The following ARRDC3 variants were observed in gnomAD, a reference collection of about 807,000 sequenced individuals.
ARRDC3 encodes arrestin domain-containing protein 3.
Under a neutral mutation model 47.2 loss-of-function variants are expected in ARRDC3, and 10 were observed. The ratio of observed to expected loss-of-function variants is 0.21; its 90% confidence interval spans 0.13 to 0.36. The LOEUF (loss-of-function observed/expected upper bound fraction) is 0.36, where lower values mean the gene tolerates loss of function less well. Ranked by LOEUF, ARRDC3 falls within the 10% of genes least tolerant of loss-of-function variation. The probability of loss-of-function intolerance (pLI) is 1.00; values close to 1 mark genes in which losing one functional copy is unlikely to be tolerated. For synonymous variants in ARRDC3, 156 were observed against 178.3 expected (o/e 0.87, Z 1.00); for missense variants, 381 against 503.6 (o/e 0.76, Z 2.33).
chr5:91,379,448 C>G (rs1234544879), intron 1 of ARRDC3, among the ~76,000 whole-genome samples: 1 of 151,814 alleles, frequency 6.6e-6, no homozygotes, highest in Non-Finnish European at 1.5e-5. Context: ...TAAACTATAC[C>G]TTAGATAATT....
chr5:91,380,072 T>G (rs1799409034), intron 1 of ARRDC3: 1 of 152,242 alleles, frequency 6.6e-6, no homozygotes, highest in Non-Finnish European at 1.5e-5. Flanking sequence ...TCCCTTTTTG[T>G]GCCAGCTCAG....
At chr5:91,382,716 A>G in intron 1 of ARRDC3, 97 bp downstream of exon 1, 1 of 1,300,118 alleles carries the variant, frequency 7.7e-7, no homozygotes, top group Non-Finnish European at 1.1e-6. Flanking sequence ...CAAACTGCTT[A>G]GTTATGCTAG....
In ARRDC3 at chr5:91,383,163, C is replaced by T; in HGVS notation, c.-71G>A. On this transcript the variant is annotated 5_prime_UTR_variant, in exon 1 of 8. Transcript: ENST00000265138. Reference sequence around the variant, plus strand: ...AAGATCGCATATAAAATGTGATCTTCACTTAACACTGATCGATATTTTTGC... The same window carrying T: ...AAGATCGCATATAAAATGTGATCTTTACTTAACACTGATCGATATTTTTGC... 7.5e-7 allele frequency: 1 copy of T among 1,336,628 alleles called. No individual in the cohort carries two copies. The highest frequency in any genetic ancestry group is 1.0e-6 in the Non-Finnish European group (1 of 982,848). 82.8% of individuals were successfully genotyped at this position (1,336,628 alleles called of 1,614,324 possible).
intron 1 of ARRDC3, chr5:91,380,091 T>C (rs576194996): frequency 7.9e-5 from 12 of 152,442 alleles, no homozygotes; most frequent in Middle Eastern, 3.4e-3. Flanking sequence ...AGCAGTCTCA[T>C]TGAAGCGAGC....
chr5:91,377,571 ATTT>A lies in ARRDC3; in HGVS notation c.363-806_363-804del, dbSNP rs35213327. Among the ~76,000 whole-genome samples, 381 of 145,568 alleles carry A rather than the reference ATTT, an allele frequency of 2.6e-3. 2 individuals are homozygous for A. Among genetic ancestry groups the A allele is most frequent in the African/African-American group, 8.9e-3 (352 of 39,684 alleles). ...CATAAGAAACACTGGTGTTTTCATA[ATTT>A]TTTTTTTTTTTTGCATTTTAGACTC... On this transcript the variant is annotated intron_variant, in intron 2 of 7. Coordinates refer to ENST00000265138, the MANE Select transcript of ARRDC3 (RefSeq NM_020801.4).
chr5:91,381,168 A>C (rs1173117234), intron 1 of ARRDC3: 1 of 151,312 alleles, frequency 6.6e-6, no homozygotes, highest in African/African-American at 2.4e-5. Flanking sequence ...CATTGAAACT[A>C]TTCCAGACTG....
chr5:91,370,961 G>A lies in ARRDC3; in HGVS notation c.*439C>T, dbSNP rs1799157928. ...AAAGCTTTGTTTTGTTCCTTGTTGTGCTGACCACAAACAAGTTTTAAGAGT... is the reference window on the plus strand; with the variant it reads ...AAAGCTTTGTTTTGTTCCTTGTTGTACTGACCACAAACAAGTTTTAAGAGT... On this transcript the variant is annotated 3_prime_UTR_variant, in exon 8 of 8. Coordinates refer to ENST00000265138, the MANE Select transcript of ARRDC3 (RefSeq NM_020801.4). 7.0e-6 allele frequency: 1 copy of A among 142,386 alleles called. No homozygotes were observed. The highest frequency in any genetic ancestry group is 2.8e-5 in the African/African-American group (1 of 35,992). The allele number at this position is 142,386 out of a possible 1,614,324, so 8.8% of individuals were successfully genotyped here. A position where few individuals can be genotyped will look rare whatever the true frequency, so the allele number is the denominator to read the frequency against.
intron 7 of ARRDC3, among the ~76,000 whole-genome samples, chr5:91,372,963 C>A (rs1479315434): frequency 6.6e-6 from 1 of 152,202 alleles, no homozygotes; most frequent in Admixed American, 6.5e-5. Context: ...CTTGTCTTTA[C>A]ATACACTGTT....
rs1799144483 is a variant in ARRDC3, at chr5:91,370,497, A to C, written c.*903T>G. 1 of 152,556 alleles carries C rather than the reference A, an allele frequency of 6.6e-6. No homozygotes were observed. Among genetic ancestry groups the C allele is most frequent in the Non-Finnish European group, 1.5e-5 (1 of 68,020 alleles). 9.5% of individuals were successfully genotyped at this position (152,556 alleles called of 1,614,324 possible). A position where few individuals can be genotyped will look rare whatever the true frequency, so the allele number is the denominator to read the frequency against. On this transcript the variant is annotated 3_prime_UTR_variant, in exon 8 of 8. Coordinates refer to ENST00000265138, the MANE Select transcript of ARRDC3 (RefSeq NM_020801.4). ...AGCCAACCAAATAAACAAACAAACA[A>C]ACGAAAAAAACAGTGCAACAAAACA...
At chr5:91,380,356 GC>G (rs922521805) in intron 1 of ARRDC3, 2 of 152,656 alleles carry the variant, frequency 1.3e-5, no homozygotes, top group African/African-American at 2.4e-5. Context: ...CGCTTTACAC[GC>G]CCCAGCCGGC....
intron 5 of ARRDC3, 94 bp downstream of exon 5, chr5:91,374,828 C>T (rs536714975): frequency 5.4e-6 from 7 of 1,289,666 alleles, no homozygotes; most frequent in East Asian, 2.5e-5. Flanking sequence ...GAGGCTGTAG[C>T]GGAGCTGAGA....
chr5:91,376,173 T>C (rs879754130), intron 3 of ARRDC3, among the ~76,000 whole-genome samples: 3 of 152,142 alleles, frequency 2.0e-5, no homozygotes, highest in African/African-American at 4.8e-5. Context: ...AAAAAGGAGT[T>C]TTTTAATGAA....
intron 1 of ARRDC3, among the ~76,000 whole-genome samples, chr5:91,382,119 A>G (rs1799470013): frequency 6.6e-6 from 1 of 152,226 alleles, no homozygotes; most frequent in Admixed American, 6.5e-5. Flanking sequence ...AAAGTTAGAC[A>G]TGATGCTCGG....
rs1473069800 is a variant in ARRDC3, at chr5:91,383,127, A to T, written c.-35T>A. 1 of 1,538,916 alleles carries T rather than the reference A, an allele frequency of 6.5e-7. No individual in the cohort carries two copies. Among genetic ancestry groups the T allele is most frequent in the East Asian group, 2.3e-5 (1 of 44,368 alleles). On this transcript the variant is annotated 5_prime_UTR_variant, in exon 1 of 8. Transcript: ENST00000265138. ...AAAATCTATAAAAATATAATGTAAG[A>T]CAAAAAAGTCAAGATCGCATATAAA...
intron 1 of ARRDC3, chr5:91,380,210 C>A: frequency 6.1e-6 from 1 of 164,466 alleles, no homozygotes; most frequent in Non-Finnish European, 1.3e-5. Flanking sequence ...GCCGGCCTGC[C>A]CGCGCGCCGC....
intron 7 of ARRDC3, among the ~76,000 whole-genome samples, chr5:91,372,904 A>AG (rs1265124528): frequency 1.3e-5 from 2 of 152,302 alleles, no homozygotes; most frequent in East Asian, 3.9e-4. Context: ...TAGTGGCTAA[A>AG]GTCACTCTGA....
chr5:91,383,280 C>T lies in ARRDC3; in HGVS notation c.-188G>A, dbSNP rs1435589499. On this transcript the variant is annotated 5_prime_UTR_variant, in exon 1 of 8. Coordinates refer to ENST00000265138, the MANE Select transcript of ARRDC3 (RefSeq NM_020801.4). ...GTCAGGGCAGCAGAGGCTGCTGCTCCGCGCTCCCGCTCGTCTCAGTGGTCT... is the reference window on the plus strand; with the variant it reads ...GTCAGGGCAGCAGAGGCTGCTGCTCTGCGCTCCCGCTCGTCTCAGTGGTCT... 5.4e-6 allele frequency: 3 copies of T among 559,924 alleles called. No individual in the cohort carries two copies. Among genetic ancestry groups the T allele is most frequent in the Non-Finnish European group, 6.1e-6 (2 of 330,088 alleles). The allele number at this position is 559,924 out of a possible 1,614,324, so 34.7% of individuals were successfully genotyped here.
At chr5:91,380,173 G>A in intron 1 of ARRDC3, 2 of 158,964 alleles carry the variant, frequency 1.3e-5, no homozygotes, top group Non-Finnish European at 2.7e-5. Flanking sequence ...GGAGAGGACC[G>A]GCCTAAACCG....
intron 1 of ARRDC3, chr5:91,380,880 T>C (rs1187860683): frequency 2.6e-5 from 4 of 152,304 alleles, no homozygotes; most frequent in Non-Finnish European, 4.4e-5. Context: ...CGACAGAACA[T>C]GATGTTGACA....
Sources: gnomAD v4.1 joint callset for allele counts (sites outside exome capture counted in the v4.1 genomes callset) on GRCh38, gnomAD v4.1.1 for gene constraint, MANE v1.5 for transcripts, NCBI Gene and HGNC (gene_info 2026-07-23, HGNC 2026-07-21) for gene names.